The following IAPP variants were observed in gnomAD, a reference collection of about 807,000 sequenced individuals.
IAPP encodes the protein islet amyloid polypeptide.
In IAPP, 4 loss-of-function variants were observed where a neutral mutation model predicts 2.9. That is an observed-to-expected ratio of 1.39 (90% CI 0.69 to 3.19). The LOEUF is 3.19. Among genes scored for constraint, IAPP ranks in the 30% most tolerant of loss-of-function variants. The pLI is 0.01. For missense variants in IAPP, 114 were observed against 105.3 expected (o/e 1.08, Z -0.36); for synonymous variants, 40 against 42.1 (o/e 0.95, Z 0.19).
intron 1 of IAPP, among the ~76,000 whole-genome samples, chr12:21,366,048 G>C (rs922030138): frequency 1.3e-5 from 2 of 152,076 alleles, no homozygotes; most frequent in African/African-American, 4.8e-5. Context: ...CCCATTACTG[G>C]GCATATACCC....
intron 1 of IAPP, among the ~76,000 whole-genome samples, chr12:21,359,016 G>C (rs998423258): frequency 1.3e-5 from 2 of 152,208 alleles, no homozygotes; most frequent in African/African-American, 4.8e-5. Flanking sequence ...AGAATCCTAT[G>C]CTTAGCTAAG....
At chr12:21,375,273 A>G (rs1421876488) in intron 2 of IAPP, among the ~76,000 whole-genome samples, 3 of 152,138 alleles carry the variant, frequency 2.0e-5, no homozygotes, top group South Asian at 2.1e-4. Context: ...ACATTCTTCA[A>G]ATTGCTTTTT....
intron 1 of IAPP, among the ~76,000 whole-genome samples, chr12:21,366,179 GA>G (rs1173810687): frequency 6.6e-6 from 1 of 152,118 alleles, no homozygotes; most frequent in African/African-American, 2.4e-5. Flanking sequence ...ACTGGATTAA[GA>G]AAATGTGGCA....
At chr12:21,361,307 A>T (rs965612618) in intron 1 of IAPP, among the ~76,000 whole-genome samples, 1 of 152,204 alleles carries the variant, frequency 6.6e-6, no homozygotes, top group South Asian at 2.1e-4. Context: ...ACTCCAACAG[A>T]CCTGCAGTTG....
At position 21,379,262 on chromosome 12, in the gene IAPP, T is replaced by A. The variant is rs958482662; in HGVS notation, c.*836T>A. ...ATTTTTTAAAGTCTATTGTTTGTTGTGCTTGCTGGTACTAAGAGGCTATTT... is the reference window on the plus strand; with the variant it reads ...ATTTTTTAAAGTCTATTGTTTGTTGAGCTTGCTGGTACTAAGAGGCTATTT... On this transcript the variant is annotated 3_prime_UTR_variant, in exon 3 of 3. Transcript: ENST00000240652. The A allele has an allele frequency of 6.6e-6, 1 of 152,234 alleles. No homozygotes were observed. The highest frequency in any genetic ancestry group is 2.4e-5 in the African/African-American group (1 of 41,460). 9.4% of individuals were successfully genotyped at this position (152,234 alleles called of 1,614,324 possible). A position where few individuals can be genotyped will look rare whatever the true frequency, so the allele number is the denominator to read the frequency against.
upstream of IAPP, among the ~76,000 whole-genome samples, chr12:21,369,197 T>G (rs1401753442): frequency 6.6e-6 from 1 of 152,230 alleles, no homozygotes; most frequent in Admixed American, 6.5e-5. Context: ...TAATACATAT[T>G]ATGAATTATA....
chr12:21,363,078 A>T lies in IAPP; in HGVS notation c.-16+8065A>T, dbSNP rs192766103. Among the ~76,000 whole-genome samples the T allele has an allele frequency of 5.3e-3, 813 of 152,250 alleles. 3 individuals carry two copies. The highest frequency in any genetic ancestry group is 8.4e-3 in the Non-Finnish European group (568 of 68,016). On this transcript the variant is annotated intron_variant, in intron 1 of 2. Coordinates refer to the IAPP transcript ENST00000539393. ...CATCTACAGAACTCTCCACCCCAAA[A>T]CAACAGAATATACATTCTTCTCAGC...
intron 1 of IAPP, among the ~76,000 whole-genome samples, chr12:21,365,075 G>C (rs1230921277): frequency 6.6e-6 from 1 of 152,164 alleles, no homozygotes; most frequent in Non-Finnish European, 1.5e-5. Flanking sequence ...CCAAAAAAGA[G>C]CTCTCATTGC....
chr12:21,376,938 CAA>C, intron 2 of IAPP, among the ~76,000 whole-genome samples: 1 of 152,068 alleles, frequency 6.6e-6, no homozygotes, highest in East Asian at 1.9e-4. Context: ...TAATAATCAG[CAA>C]AGAGGAAGCA....
chr12:21,373,172 C>T (rs1939923019), intron 1 of IAPP, 165 bp from the exon 2 acceptor site: 2 of 610,468 alleles, frequency 3.3e-6, no homozygotes, highest in Non-Finnish European at 2.9e-6. Context: ...CTCGAAATTA[C>T]TTGAAAAGTG....
Position 21,379,099 on chromosome 12 carries a change from T to G in IAPP, c.*673T>G, listed in dbSNP as rs1460525630. On this transcript the variant is annotated 3_prime_UTR_variant, in exon 3 of 3. Transcript: ENST00000240652. ...AAAAAAAAGAAAGAAAATTAGTAAT[T>G]GTAAGTACCCCTGATAAGCAAATTA... is the stretch of plus-strand genomic sequence containing the variant. 2.0e-5 allele frequency: 3 copies of G among 152,104 alleles called. No individual in the cohort carries two copies. Among genetic ancestry groups the G allele is most frequent in the Non-Finnish European group, 4.4e-5 (3 of 68,030 alleles). The allele number at this position is 152,104 out of a possible 1,614,324, so 9.4% of individuals were successfully genotyped here.
At chr12:21,360,456 C>G (rs1591879347) in intron 1 of IAPP, among the ~76,000 whole-genome samples, 1 of 152,190 alleles carries the variant, frequency 6.6e-6, no homozygotes, top group African/African-American at 2.4e-5. Context: ...CGAATAGGAA[C>G]AGCTCCAGTC....
At chr12:21,363,629 A>G (rs897186576) in intron 1 of IAPP, among the ~76,000 whole-genome samples, 4 of 152,230 alleles carry the variant, frequency 2.6e-5, no homozygotes, top group African/African-American at 4.8e-5. Context: ...GAAAAGATGA[A>G]CAAAATTGAT....
At chr12:21,371,012 G>A (rs539302742), upstream of IAPP, among the ~76,000 whole-genome samples, 3 of 152,246 alleles carry the variant, frequency 2.0e-5, no homozygotes, top group Non-Finnish European at 4.4e-5. Flanking sequence ...GACTGCTCCT[G>A]CAGGGCAGGG....
intron 2 of IAPP, 142 bp from the exon 3 acceptor site, chr12:21,378,095 G>T: frequency 1.5e-6 from 1 of 671,894 alleles, no homozygotes; most frequent in Non-Finnish European, 2.6e-6. Context: ...AGCCATCTAG[G>T]TGTTTGCAAA....
At chr12:21,378,136 G>A in intron 2 of IAPP, 101 bp from the exon 3 acceptor site, 2 of 1,089,856 alleles carry the variant, frequency 1.8e-6, no homozygotes, top group Middle Eastern at 2.1e-4. Flanking sequence ...TGTGAAAATT[G>A]TTTCTTTGGT....
At chr12:21,367,626 G>T (rs1382971502) in intron 1 of IAPP, among the ~76,000 whole-genome samples, 1 of 151,692 alleles carries the variant, frequency 6.6e-6, no homozygotes, top group African/African-American at 2.4e-5. Context: ...AAAACAAAAG[G>T]TTAAATAAAA....
At chr12:21,375,736 G>T (rs1024730279) in intron 2 of IAPP, among the ~76,000 whole-genome samples, 1 of 152,192 alleles carries the variant, frequency 6.6e-6, no homozygotes, top group Non-Finnish European at 1.5e-5. Context: ...GAAAACTCTG[G>T]AGAGACAATT....
Position 21,367,216 on chromosome 12 carries a change from G to A in IAPP, c.-15-6121G>A, listed in dbSNP as rs368561703. 7.2e-4 allele frequency among the ~76,000 whole-genome samples: 109 copies of A among 152,210 alleles called. 2 individuals are homozygous for A. In the South Asian group the frequency reaches 0.022, roughly 31 times the overall value. ...TTATAATTCTGAATAAAAATAATGT[G>A]TTTAGAACTATGCTCAGAAACAAAA... On this transcript the variant is annotated intron_variant, in intron 1 of 2. Coordinates refer to the IAPP transcript ENST00000539393.
Sources: gnomAD v4.1 joint callset for allele counts (sites outside exome capture counted in the v4.1 genomes callset) on GRCh38, gnomAD v4.1.1 for gene constraint, MANE v1.5 for transcripts, NCBI Gene and HGNC (gene_info 2026-07-23, HGNC 2026-07-21) for gene names.